Variants in FMNL2 observed in about 807,000 individuals in gnomAD.
FMNL2 encodes the protein formin-like protein 2.
Under a neutral mutation model 130.2 loss-of-function variants are expected in FMNL2, and 51 were observed. The ratio of observed to expected loss-of-function variants is 0.39; its 90% CI spans 0.31 to 0.49. The LOEUF (loss-of-function observed/expected upper bound fraction) is 0.49, where lower values mean the gene tolerates loss of function less well. Ranked by LOEUF, FMNL2 falls within the 20% of genes least tolerant of loss-of-function variation. FMNL2 has a pLI of 0.85. For missense variants in FMNL2, 977 were observed against 1,316.2 expected (o/e 0.74, Z 3.99); for synonymous variants, 465 against 467.1 (o/e 1.00, Z 0.06).
chr2:152,516,535 G>T (rs1692779958), intron 1 of FMNL2, among the ~76,000 whole-genome samples: 1 of 152,140 alleles, frequency 6.6e-6, no homozygotes. Flanking sequence ...CTGAATGCTT[G>T]TGAGTTTTAA....
chr2:152,468,122 G>A (rs2105165126), intron 1 of FMNL2, among the ~76,000 whole-genome samples: 1 of 152,340 alleles, frequency 6.6e-6, no homozygotes, highest in Admixed American at 6.5e-5. Context: ...AGTAGTCATG[G>A]CTTCAGTGTA....
chr2:152,509,737 C>CATTTT (rs1692387008), intron 1 of FMNL2, among the ~76,000 whole-genome samples: 1 of 58,676 alleles, frequency 1.7e-5, no homozygotes, highest in Non-Finnish European at 2.9e-5. Context: ...TACTCTGGAC[C>CATTTT]TTTTTTTTTT....
intron 1 of FMNL2, among the ~76,000 whole-genome samples, chr2:152,342,923 C>T (rs544598102): frequency 6.6e-6 from 1 of 152,120 alleles, no homozygotes; most frequent in Non-Finnish European, 1.5e-5. Context: ...TTTTCACTCT[C>T]TGAAAAAACA....
At chr2:152,358,232 A>C (rs1473537701) in intron 1 of FMNL2, among the ~76,000 whole-genome samples, 1 of 152,218 alleles carries the variant, frequency 6.6e-6, no homozygotes, top group African/African-American at 2.4e-5. Flanking sequence ...GCATTTGGCC[A>C]CAGACTGAGG....
chr2:152,547,041 G>T (rs1363799915), intron 3 of FMNL2, among the ~76,000 whole-genome samples: 1 of 151,710 alleles, frequency 6.6e-6, no homozygotes, highest in Non-Finnish European at 1.5e-5. Context: ...TGCCTCCCAG[G>T]TGCAAACAGT....
rs73016134 is a variant in FMNL2 at position 152,648,200 on chromosome 2, C to T, written c.*295C>T. ...CAAAATGTAAAGTTCTTATTAAACT[C>T]ATTACCTGCCATTGTGATTGTCCCA... is the stretch of plus-strand genomic sequence containing the variant. On this transcript the variant is annotated 3_prime_UTR_variant, in exon 26 of 26. Coordinates refer to ENST00000288670, the MANE Select transcript of FMNL2 (RefSeq NM_052905.4). 1,502 of 293,594 alleles carry T rather than the reference C, an allele frequency of 5.1e-3. 21 individuals are homozygous for T. Among genetic ancestry groups the T allele is most frequent in the African/African-American group, 0.031 (1,399 of 45,608 alleles). 18.2% of individuals were successfully genotyped at this position (293,594 alleles called of 1,614,324 possible).
At chr2:152,554,087 A>T (rs1016259321) in intron 4 of FMNL2, among the ~76,000 whole-genome samples, 2 of 152,182 alleles carry the variant, frequency 1.3e-5, no homozygotes, top group Non-Finnish European at 2.9e-5. Context: ...GTCTGAAATC[A>T]TATCAGTGAA....
At chr2:152,420,485 A>G (rs913782730) in intron 1 of FMNL2, among the ~76,000 whole-genome samples, 1 of 152,186 alleles carries the variant, frequency 6.6e-6, no homozygotes, top group Admixed American at 6.5e-5. Flanking sequence ...TATGATCTGA[A>G]AGTACTGGCT....
chr2:152,366,731 C>T (rs777712547), intron 1 of FMNL2, among the ~76,000 whole-genome samples: 80 of 152,108 alleles, frequency 5.3e-4, no homozygotes, highest in Non-Finnish European at 9.7e-4. Flanking sequence ...TTTGGGAGGC[C>T]GAGGTGGGTG....
At chr2:152,477,338 ACTC>A (rs916937189) in intron 1 of FMNL2, among the ~76,000 whole-genome samples, 2 of 152,172 alleles carry the variant, frequency 1.3e-5, no homozygotes, top group African/African-American at 4.8e-5. Context: ...GTAAAGGAAT[ACTC>A]CTACAAACTG....
At chr2:152,454,549 C>T (rs752518961) in intron 1 of FMNL2, among the ~76,000 whole-genome samples, 8 of 152,128 alleles carry the variant, frequency 5.3e-5, no homozygotes, top group Non-Finnish European at 8.8e-5. Flanking sequence ...GGTGCAAAGG[C>T]ACAGAAAAAG....
chr2:152,352,924 A>G (rs558732895), intron 1 of FMNL2, among the ~76,000 whole-genome samples: 1 of 152,204 alleles, frequency 6.6e-6, no homozygotes, highest in East Asian at 1.9e-4. Flanking sequence ...CCATTATTAT[A>G]TTGTGTTAGT....
At chr2:152,412,097 G>A (rs6751778) in intron 1 of FMNL2, among the ~76,000 whole-genome samples, 47,262 of 151,852 alleles carry the variant, frequency 0.31, 8,041 homozygotes, top group African/African-American at 0.43. Context: ...GCTGCTAACT[G>A]TAAGCTTTTA....
intron 9 of FMNL2, among the ~76,000 whole-genome samples, chr2:152,586,809 G>C (rs1454292099): frequency 6.6e-6 from 1 of 152,096 alleles, no homozygotes; most frequent in Non-Finnish European, 1.5e-5. Flanking sequence ...TTTTTTGTCT[G>C]TTTATCAACT....
At chr2:152,632,810 C>G (rs72871163) in intron 21 of FMNL2, among the ~76,000 whole-genome samples, 5 of 152,138 alleles carry the variant, frequency 3.3e-5, no homozygotes, top group Admixed American at 2.6e-4. Context: ...AAAGCATATT[C>G]GATTAGCAAA....
intron 1 of FMNL2, among the ~76,000 whole-genome samples, chr2:152,440,857 A>C (rs1328353192): frequency 6.6e-6 from 1 of 152,218 alleles, no homozygotes; most frequent in African/African-American, 2.4e-5. Context: ...AAAGATTGTT[A>C]AGTTCTTATT....
chr2:152,346,428 T>G (rs1468077497), intron 1 of FMNL2, among the ~76,000 whole-genome samples: 1 of 152,012 alleles, frequency 6.6e-6, no homozygotes, highest in African/African-American at 2.4e-5. Flanking sequence ...GGAGAACTGC[T>G]TGAGGCCTGG....
chr2:152,562,345 G>A lies in FMNL2; in HGVS notation c.596+1310G>A, dbSNP rs150910349. ...GGACATTATTTCTCTAAGTGTTTAC[G>A]ATCACTCCGGGTATTCAGTCATTGT... On this transcript the variant is annotated intron_variant, in intron 6 of 25. Coordinates refer to ENST00000288670, the MANE Select transcript of FMNL2 (RefSeq NM_052905.4). Among the ~76,000 whole-genome samples the A allele has an allele frequency of 3.9e-5, 6 of 152,190 alleles. No individual in the cohort carries two copies. In the East Asian group the frequency reaches 1.2e-3, roughly 29 times the overall value.
intron 1 of FMNL2, among the ~76,000 whole-genome samples, chr2:152,429,915 C>T (rs1205055921): frequency 6.6e-6 from 1 of 152,144 alleles, no homozygotes; most frequent in East Asian, 1.9e-4. Flanking sequence ...GCATATATTG[C>T]ATTTACACAT....
Sources: gnomAD v4.1 joint callset for allele counts (sites outside exome capture counted in the v4.1 genomes callset) on GRCh38, gnomAD v4.1.1 for gene constraint, MANE v1.5 for transcripts, NCBI Gene and HGNC (gene_info 2026-07-23, HGNC 2026-07-21) for gene names.